SLC25A20: variants seen among roughly 807,000 people sequenced by gnomAD.
The protein encoded by SLC25A20 is solute carrier family 25 member 20, also known as mitochondrial carnitine/acylcarnitine carrier protein.
Under a neutral mutation model 39.7 loss-of-function variants are expected in SLC25A20, and 29 were observed. The ratio of observed to expected loss-of-function variants is 0.73; its 90% confidence interval spans 0.54 to 1.00. The LOEUF is 1.00. Ranked by LOEUF, SLC25A20 falls within the 50% of genes least tolerant of loss-of-function variation. The pLI, the probability that SLC25A20 is intolerant of heterozygous loss-of-function variation, is 0.00. For synonymous variants in SLC25A20, 103 were observed against 142.2 expected, an observed-to-expected ratio of 0.72 and a Z score of 1.96; for missense variants, 333 against 379.9, an observed-to-expected ratio of 0.88 and a Z score of 1.03.
rs2083589620 is a variant in SLC25A20, at chr3:48,857,593, C to G, written c.*117G>C. On this transcript the variant is annotated 3_prime_UTR_variant, in exon 9 of 9. Transcript: ENST00000319017. ...AGTCTCACCAAGTCCATGCACAGGGCTCGGATCTCACCATTCCCCTCCCCT... is the reference window on the plus strand; with the variant it reads ...AGTCTCACCAAGTCCATGCACAGGGGTCGGATCTCACCATTCCCCTCCCCT... The G allele has an allele frequency of 2.3e-6, 2 of 887,634 alleles. No individual in the cohort carries two copies. Among genetic ancestry groups the G allele is most frequent in the African/African-American group, 1.6e-5 (1 of 61,236 alleles). 55.0% of individuals were successfully genotyped at this position (887,634 alleles called of 1,614,324 possible).
At position 48,862,603 on chromosome 3, in the gene SLC25A20, C is replaced by G; in HGVS notation, c.474G>C (p.Lys158Asn). The G allele has an allele frequency of 3.1e-6, 5 of 1,614,130 alleles. No homozygotes were observed. Among genetic ancestry groups the G allele is most frequent in the Non-Finnish European group, 4.2e-6 (5 of 1,179,980 alleles). ...CTCGGATCCCAAACTCCTGGTACAGCTTCTTTGCACAGTCCAAGGTACCAG... is the reference window on the plus strand; with the variant it reads ...CTCGGATCCCAAACTCCTGGTACAGGTTCTTTGCACAGTCCAAGGTACCAG... ...KYTGTLDCAK[K>N]LYQEFGIRGI... The change falls in exon 5 of 9, where the codon AAG (lysine) becomes AAC (asparagine). Residue 158 changes from lysine to asparagine, a missense_variant. Coordinates refer to ENST00000319017, the MANE Select transcript of SLC25A20 (RefSeq NM_000387.6).
intron 4 of SLC25A20, among the ~76,000 whole-genome samples, chr3:48,868,894 C>T (rs535484778): frequency 2.2e-4 from 33 of 151,976 alleles, no homozygotes; most frequent in Non-Finnish European, 3.8e-4. Flanking sequence ...CTTGTGCAGC[C>T]CTGCACCCTT....
intron 1 of SLC25A20, among the ~76,000 whole-genome samples, chr3:48,892,453 A>G (rs1423973721): frequency 1.3e-5 from 2 of 152,202 alleles, no homozygotes; most frequent in Admixed American, 6.6e-5. Context: ...CCAGAGAAAC[A>G]GAACCAACAG....
chr3:48,883,309 T>C (rs2083807782), intron 3 of SLC25A20, among the ~76,000 whole-genome samples: 1 of 151,718 alleles, frequency 6.6e-6, no homozygotes, highest in East Asian at 1.9e-4. Context: ...TCCCAGCACT[T>C]TGGGAGGCCG....
intron 1 of SLC25A20, among the ~76,000 whole-genome samples, chr3:48,893,537 TTTTA>T (rs568331034): frequency 2.0e-5 from 3 of 151,996 alleles, no homozygotes; most frequent in South Asian, 2.1e-4. Flanking sequence ...CCTGGTCTCT[TTTTA>T]TTTATTTATT....
chr3:48,882,627 G>T (rs2083802407), intron 3 of SLC25A20, among the ~76,000 whole-genome samples: 1 of 152,046 alleles, frequency 6.6e-6, no homozygotes, highest in Non-Finnish European at 1.5e-5. Context: ...GGAGGCCAAG[G>T]CAAGAGAATT....
chr3:48,871,726 C>T (rs1039141530), intron 4 of SLC25A20, among the ~76,000 whole-genome samples: 1 of 147,406 alleles, frequency 6.8e-6, no homozygotes, highest in African/African-American at 2.5e-5. Context: ...AAGATCGCAC[C>T]ATTGCACTCC....
intron 1 of SLC25A20, among the ~76,000 whole-genome samples, chr3:48,894,424 G>C (rs1204167422): frequency 6.7e-6 from 1 of 148,984 alleles, no homozygotes; most frequent in Non-Finnish European, 1.5e-5. Flanking sequence ...CCACACCCAG[G>C]TAACTTTTGC....
intron 1 of SLC25A20, among the ~76,000 whole-genome samples, chr3:48,893,691 C>CT (rs2083892921): frequency 6.6e-6 from 1 of 151,468 alleles, no homozygotes; most frequent in Admixed American, 6.6e-5. Context: ...ATGCCATGCT[C>CT]GGCTAATTTT....
intron 4 of SLC25A20, among the ~76,000 whole-genome samples, chr3:48,872,787 C>A (rs1559667065): frequency 1.3e-5 from 2 of 151,518 alleles, no homozygotes; most frequent in Admixed American, 6.6e-5. Flanking sequence ...TGTTTGAGCC[C>A]AGGATGCTGA....
intron 5 of SLC25A20, among the ~76,000 whole-genome samples, chr3:48,862,227 A>C (rs1008582081): frequency 1.3e-5 from 2 of 152,186 alleles, no homozygotes; most frequent in Middle Eastern, 3.4e-3. Flanking sequence ...TCTCAAAACC[A>C]GGGAGATCAC....
At chr3:48,897,076 C>CTTT (rs11390016) in intron 1 of SLC25A20, among the ~76,000 whole-genome samples, 3 of 129,590 alleles carry the variant, frequency 2.3e-5, no homozygotes, top group Non-Finnish European at 3.2e-5. Context: ...TCTTCTTCTC[C>CTTT]TTTTTTTTTT....
chr3:48,863,573 A>G (rs2083642676), intron 4 of SLC25A20, among the ~76,000 whole-genome samples: 2 of 152,210 alleles, frequency 1.3e-5, no homozygotes, highest in African/African-American at 4.8e-5. Context: ...CCGCTTGTTC[A>G]GGACCAAGAG....
chr3:48,890,988 G>A (rs187233123), intron 2 of SLC25A20, among the ~76,000 whole-genome samples: 71 of 151,900 alleles, frequency 4.7e-4, no homozygotes, highest in African/African-American at 1.6e-3. Flanking sequence ...ATATCAGCGC[G>A]CCCAGCCATG....
At chr3:48,863,799 G>A (rs1000744537) in intron 4 of SLC25A20, among the ~76,000 whole-genome samples, 7 of 147,006 alleles carry the variant, frequency 4.8e-5, no homozygotes, top group Admixed American at 6.9e-5. Flanking sequence ...GGCAGATCAT[G>A]AGGTCAGGAG....
intron 7 of SLC25A20, 83 bp downstream of exon 7, chr3:48,859,009 G>T: frequency 9.5e-7 from 1 of 1,055,278 alleles, no homozygotes; most frequent in Non-Finnish European, 1.5e-6. Flanking sequence ...AGTATCCCTA[G>T]GGCCTTATGA....
intron 4 of SLC25A20, among the ~76,000 whole-genome samples, chr3:48,863,400 T>C (rs537566800): frequency 1.2e-4 from 18 of 152,172 alleles, no homozygotes; most frequent in African/African-American, 4.3e-4. Flanking sequence ...AGCTCTAAGT[T>C]CCCAGACAGG....
At position 48,858,592 on chromosome 3, in the gene SLC25A20, A is replaced by G; in HGVS notation, c.758T>C (p.Leu253Pro). ...GKYPNGFRDVLRELIRDEGVT... is the reference protein window; with the variant it reads ...GKYPNGFRDVPRELIRDEGVT... ...TCCTTCATCCCGGATCAGCTCCCTC[A>G]GCACATCTCTGAAACCATTAGGATA... The change falls in exon 8 of 9, where the codon CTG (leucine) becomes CCG (proline). Residue 253 changes from leucine (L) to proline (P), a missense_variant. By Grantham distance (98) the Leu-to-Pro change is moderately conservative. Coordinates refer to ENST00000319017, the MANE Select transcript of SLC25A20 (RefSeq NM_000387.6). 2 of 1,614,202 alleles carry G rather than the reference A, an allele frequency of 1.2e-6. No homozygotes were observed. Among genetic ancestry groups the G allele is most frequent in the Non-Finnish European group, 1.7e-6 (2 of 1,180,044 alleles).
intron 4 of SLC25A20, among the ~76,000 whole-genome samples, chr3:48,871,008 T>C (rs2083710762): frequency 6.6e-6 from 1 of 151,154 alleles, no homozygotes. Context: ...GTATTTTTAT[T>C]AGACACGGGG....
Sources: allele counts gnomAD v4.1 joint callset (sites outside exome capture counted in the v4.1 genomes callset), GRCh38; gene constraint gnomAD v4.1.1; transcripts MANE v1.5; gene names NCBI Gene and HGNC (gene_info 2026-07-23, HGNC 2026-07-21).